Variants in ALCAM observed in about 807,000 individuals in gnomAD.
ALCAM encodes the protein activated leukocyte cell adhesion molecule.
ALCAM carries 30 observed loss-of-function variants against 70.9 expected under a neutral mutation model. The ratio of observed to expected loss-of-function variants is 0.42; its 90% confidence interval spans 0.32 to 0.57. ALCAM has a LOEUF of 0.57. ALCAM is among the 20% of genes least tolerant of loss of function. The pLI, the probability that ALCAM is intolerant of heterozygous loss-of-function variation, is 0.11. For synonymous variants in ALCAM, 249 were observed against 242.5 expected (o/e 1.03, Z -0.25); for missense variants, 591 against 695.1 (o/e 0.85, Z 1.68).
chr3:105,482,985 G>A (rs190487428), intron 1 of ALCAM, among the ~76,000 whole-genome samples: 13 of 152,160 alleles, frequency 8.5e-5, no homozygotes, highest in Non-Finnish European at 1.8e-4. Flanking sequence ...TTTGTCCCCA[G>A]CCAATTTCCC....
chr3:105,465,231 T>C (rs1277340827), intron 1 of ALCAM, among the ~76,000 whole-genome samples: 1 of 151,238 alleles, frequency 6.6e-6, no homozygotes, highest in African/African-American at 2.4e-5. Flanking sequence ...TTTGAAAGAG[T>C]AAAAACATCT....
intron 1 of ALCAM, among the ~76,000 whole-genome samples, chr3:105,404,706 A>C (rs12491519): frequency 0.16 from 24,087 of 151,762 alleles, 2,183 homozygotes; most frequent in East Asian, 0.37. Flanking sequence ...AGGAAAAAAA[A>C]TAGCACGATG....
chr3:105,448,953 A>G (rs1179335762), intron 1 of ALCAM, among the ~76,000 whole-genome samples: 1 of 152,170 alleles, frequency 6.6e-6, no homozygotes, highest in Non-Finnish European at 1.5e-5. Flanking sequence ...AGTATAAATG[A>G]ACTGCTTTTA....
intron 1 of ALCAM, among the ~76,000 whole-genome samples, chr3:105,447,851 A>G (rs1330386102): frequency 6.6e-6 from 1 of 152,230 alleles, no homozygotes; most frequent in Non-Finnish European, 1.5e-5. Context: ...CGACATTATT[A>G]TCAATAAACA....
At chr3:105,552,883 A>C in intron 14 of ALCAM, 1 of 1,144,102 alleles carries the variant, frequency 8.7e-7, no homozygotes, top group Non-Finnish European at 1.1e-6. Context: ...ATACTTCCTA[A>C]AGGTCAACAA....
At chr3:105,435,437 A>G (rs1937029061) in intron 1 of ALCAM, among the ~76,000 whole-genome samples, 7 of 152,170 alleles carry the variant, frequency 4.6e-5, no homozygotes, top group Admixed American at 4.6e-4. Flanking sequence ...GACTGTCACT[A>G]TTTTCTTTCC....
At chr3:105,552,052 G>T in intron 12 of ALCAM, 92 bp from the exon 13 acceptor site, 15 of 778,476 alleles carry the variant, frequency 1.9e-5, no homozygotes, top group Middle Eastern at 3.6e-4. Flanking sequence ...TTTTATCTTT[G>T]AGTATTATTA....
chr3:105,449,846 G>A (rs147333955), intron 1 of ALCAM, among the ~76,000 whole-genome samples: 105 of 152,160 alleles, frequency 6.9e-4, no homozygotes, highest in African/African-American at 2.4e-3. Context: ...CCAAGAGAAT[G>A]GTGGCACAGT....
At chr3:105,501,168 G>A (rs1393097710) in intron 1 of ALCAM, among the ~76,000 whole-genome samples, 4 of 152,182 alleles carry the variant, frequency 2.6e-5, no homozygotes, top group African/African-American at 9.7e-5. Context: ...ACAAATGCGG[G>A]CTGTTATCAT....
chr3:105,486,222 C>A (rs6769329), intron 1 of ALCAM, among the ~76,000 whole-genome samples: 83,431 of 151,748 alleles, frequency 0.55, 23,369 homozygotes, highest in African/African-American at 0.65. Context: ...GAGAGACACC[C>A]GTCCAAATTA....
chr3:105,491,830 T>A (rs1252729979), intron 1 of ALCAM, among the ~76,000 whole-genome samples: 1 of 152,200 alleles, frequency 6.6e-6, no homozygotes, highest in Admixed American at 6.5e-5. Context: ...CTCTAGTAAG[T>A]TCCAAACTTT....
At chr3:105,427,340 A>G (rs927642303) in intron 1 of ALCAM, among the ~76,000 whole-genome samples, 2 of 151,876 alleles carry the variant, frequency 1.3e-5, no homozygotes, top group African/African-American at 4.8e-5. Flanking sequence ...TTCCTCTGTA[A>G]TAAAGAGGTA....
chr3:105,540,230 C>A, intron 7 of ALCAM, 128 bp downstream of exon 7: 1 of 949,482 alleles, frequency 1.1e-6, no homozygotes, highest in Non-Finnish European at 1.5e-6. Context: ...TAAAATGTCA[C>A]GTGGAAGCTT....
At chr3:105,527,197 T>A (rs1038836342) in intron 3 of ALCAM, among the ~76,000 whole-genome samples, 3 of 152,174 alleles carry the variant, frequency 2.0e-5, no homozygotes, top group African/African-American at 7.2e-5. Flanking sequence ...TTGAGGTTAA[T>A]AAAACCATTC....
intron 1 of ALCAM, among the ~76,000 whole-genome samples, chr3:105,494,394 CT>C (rs1938678580): frequency 6.6e-6 from 1 of 152,188 alleles, no homozygotes; most frequent in Non-Finnish European, 1.5e-5. Context: ...AACAATGAAT[CT>C]TTTGTTTTAT....
chr3:105,534,749 G>A lies in ALCAM; in HGVS notation c.634G>A (p.Ala212Thr). The A allele has an allele frequency of 1.9e-6, 3 of 1,613,724 alleles. No homozygotes were observed. In the South Asian group the frequency reaches 3.3e-5, roughly 18 times the overall value. The change falls in exon 6 of 16, where the codon GCT becomes ACT. Residue 212 changes from alanine (A) to threonine (T), a missense_variant. Physicochemically the swap from Ala to Thr is moderately conservative, Grantham distance 58. Around this residue, in one of 2 missense-constraint regions of ALCAM, gnomAD observed 427 missense variants for 450.4 expected, o/e 0.95. Coordinates refer to ENST00000306107, the MANE Select transcript of ALCAM (RefSeq NM_001627.4). The stretch of plus-strand genomic sequence containing the variant: ...CACCCTGGAGTACAAGACAACCAAG[G>A]CTGACATACAAATGCCATTCACCTG... ...TSTLEYKTTK[A>T]DIQMPFTCSV...
At position 105,556,106 on chromosome 3, in the gene ALCAM, A is replaced by G. The variant is rs371535611; in HGVS notation, c.1664+3521A>G. Among the ~76,000 whole-genome samples the G allele has an allele frequency of 3.3e-5, 5 of 152,096 alleles. 1 individual carries two copies. Among genetic ancestry groups the G allele is most frequent in the African/African-American group, 1.2e-4 (5 of 41,522 alleles). The stretch of plus-strand genomic sequence containing the variant: ...TTTCTCTCATCCCTGTCCTCCAAAC[A>G]TGGTTTTTAGTTCTACAGGAAGTTA... On this transcript the variant is annotated intron_variant, in intron 14 of 15. Coordinates refer to ENST00000306107, the MANE Select transcript of ALCAM (RefSeq NM_001627.4).
chr3:105,549,272 A>T (rs989142750), intron 11 of ALCAM, among the ~76,000 whole-genome samples: 12 of 151,340 alleles, frequency 7.9e-5, no homozygotes, highest in Non-Finnish European at 1.3e-4. Context: ...ATACATGGTG[A>T]ATCTGTTATT....
intron 14 of ALCAM, among the ~76,000 whole-genome samples, chr3:105,556,800 A>ACTC (rs1940527417): frequency 6.6e-6 from 1 of 151,916 alleles, no homozygotes; most frequent in South Asian, 2.1e-4. Flanking sequence ...CAGAAGAGGG[A>ACTC]CTCCTCACTG....
Sources: allele counts gnomAD v4.1 joint callset (sites outside exome capture counted in the v4.1 genomes callset), GRCh38; gene constraint gnomAD v4.1.1; regional missense constraint gnomAD v4.1.1; transcripts MANE v1.5; gene names NCBI Gene and HGNC (gene_info 2026-07-23, HGNC 2026-07-21).